Variants in GPBP1L1 observed in about 807,000 individuals in gnomAD.
GPBP1L1 encodes vasculin-like protein 1.
GPBP1L1 carries 23 observed loss-of-function variants against 52.5 expected under a neutral mutation model. That is an observed-to-expected ratio of 0.44 (90% CI 0.32 to 0.62). The LOEUF (loss-of-function observed/expected upper bound fraction) is 0.62, where lower values mean the gene tolerates loss of function less well. Ranked by LOEUF, GPBP1L1 falls within the 20% of genes least tolerant of loss-of-function variation. The pLI is 0.06. For synonymous variants in GPBP1L1, 243 were observed against 203.1 expected, an observed-to-expected ratio of 1.20 and a Z score of -1.67; for missense variants, 596 against 579.3, an observed-to-expected ratio of 1.03 and a Z score of -0.30.
chr1:45,682,617 G>A (rs756956537), intron 2 of GPBP1L1, among the ~76,000 whole-genome samples: 1 of 152,088 alleles, frequency 6.6e-6, no homozygotes, highest in Non-Finnish European at 1.5e-5. Flanking sequence ...CCAATCCCTA[G>A]TTTCTTAACA....
At chr1:45,652,985 G>A (rs1482661098) in intron 6 of GPBP1L1, among the ~76,000 whole-genome samples, 1 of 152,092 alleles carries the variant, frequency 6.6e-6, no homozygotes, top group African/African-American at 2.4e-5. Context: ...AGTAATTTCT[G>A]GACTATTTGT....
At chr1:45,669,170 T>A (rs187280598) in intron 2 of GPBP1L1, among the ~76,000 whole-genome samples, 1 of 152,332 alleles carries the variant, frequency 6.6e-6, no homozygotes, top group East Asian at 1.9e-4. Flanking sequence ...CAGAGATTAT[T>A]CTTTCTTTTT....
chr1:45,634,371 G>C, intron 8 of GPBP1L1, 135 bp from the exon 9 acceptor site: 1 of 851,396 alleles, frequency 1.2e-6, no homozygotes, highest in Non-Finnish European at 1.7e-6. Context: ...AACATGTTTG[G>C]GAAGTATGCA....
chr1:45,630,746 A>C, intron 10 of GPBP1L1, 140 bp from the exon 11 acceptor site: 1 of 819,524 alleles, frequency 1.2e-6, no homozygotes, highest in Non-Finnish European at 1.9e-6. Flanking sequence ...TTCCCCATTT[A>C]CAAATGAGGA....
intron 12 of GPBP1L1, 117 bp downstream of exon 12, chr1:45,629,459 C>CT (rs1010968205): frequency 5.2e-5 from 4 of 77,642 alleles, no homozygotes; most frequent in Non-Finnish European, 1.3e-4. Context: ...GGTAATCCCC[C>CT]CCCCCCCCAC....
At chr1:45,629,757 A>G in intron 11 of GPBP1L1, 79 bp from the exon 12 acceptor site, 1 of 963,890 alleles carries the variant, frequency 1.0e-6, no homozygotes, top group South Asian at 1.3e-5. Context: ...TTTCACAGAA[A>G]AGTTTTCTGC....
At chr1:45,663,209 G>A (rs922431315) in intron 2 of GPBP1L1, among the ~76,000 whole-genome samples, 3 of 152,092 alleles carry the variant, frequency 2.0e-5, no homozygotes, top group African/African-American at 4.8e-5. Context: ...TGTCTGGTGC[G>A]TACTTTTTAT....
chr1:45,670,997 T>C (rs1034576597), intron 2 of GPBP1L1, among the ~76,000 whole-genome samples: 2 of 151,880 alleles, frequency 1.3e-5, no homozygotes, highest in African/African-American at 4.8e-5. Flanking sequence ...TTTCACTGTG[T>C]TAGCCAGGCT....
chr1:45,682,572 G>A (rs1434483022), intron 2 of GPBP1L1, among the ~76,000 whole-genome samples: 1 of 152,040 alleles, frequency 6.6e-6, no homozygotes, highest in African/African-American at 2.4e-5. Flanking sequence ...CTGTTAAACC[G>A]TAAAGTTCTT....
In GPBP1L1 at chr1:45,644,324, C is replaced by T. The variant is rs1644712872; in HGVS notation, c.478-1825G>A. ...GTACCCAGGGTTCTCAGAGACAATG[C>T]TCCTATTTATACAGTATCTTTGATC... On this transcript the variant is annotated intron_variant, in intron 6 of 12. Coordinates refer to ENST00000355105, the MANE Select transcript of GPBP1L1 (RefSeq NM_021639.5). Among the ~76,000 whole-genome samples the T allele has an allele frequency of 3.3e-5, 5 of 152,254 alleles. No individual in the cohort carries two copies. The South Asian group carries it at 1.0e-3, about 32-fold the overall frequency.
upstream of GPBP1L1, chr1:45,687,824 G>A (rs1328574714): frequency 1.5e-4 from 23 of 152,214 alleles, no homozygotes; most frequent in Admixed American, 1.5e-3. Flanking sequence ...AATGCAGTGA[G>A]ATGTGTCCCC....
chr1:45,630,026 C>T (rs79953537), intron 11 of GPBP1L1, among the ~76,000 whole-genome samples: 16 of 151,856 alleles, frequency 1.1e-4, no homozygotes, highest in Non-Finnish European at 1.8e-4. Flanking sequence ...TCTCAGCTCA[C>T]TGCAACCTCC....
chr1:45,628,009 TGTGTGTGTGTGTGA>T lies in GPBP1L1; in HGVS notation c.*233_*246del. 4.5e-6 allele frequency: 2 copies of T among 442,110 alleles called. No individual in the cohort carries two copies. The highest frequency in any genetic ancestry group is 8.3e-6 in the Non-Finnish European group (2 of 240,576). 27.4% of individuals were successfully genotyped at this position (442,110 alleles called of 1,614,324 possible). A position where few individuals can be genotyped will look rare whatever the true frequency, so the allele number is the denominator to read the frequency against. ...GCCCCATATATACTGGGTGTGTATG[TGTGTGTGTGTGTGA>T]GTGTGTTTAAAAAATCTGTCCCACC... On this transcript the variant is annotated 3_prime_UTR_variant, in exon 13 of 13. Transcript: ENST00000355105.
rs544001546 is a variant in GPBP1L1 at position 45,636,067 on chromosome 1, C to T, written c.745-1831G>A. Among the ~76,000 whole-genome samples, 8 of 152,290 alleles carry T rather than the reference C, an allele frequency of 5.3e-5. No homozygotes were observed. In the South Asian group the frequency reaches 1.7e-3, roughly 32 times the overall value. ...ATTTACTGCTTAGTTCCCTGCAATACTCACCTCTATCCCCAATTTTAGTAA... is the reference window on the plus strand; with the variant it reads ...ATTTACTGCTTAGTTCCCTGCAATATTCACCTCTATCCCCAATTTTAGTAA... On this transcript the variant is annotated intron_variant, in intron 8 of 12. Transcript: ENST00000355105.
intron 12 of GPBP1L1, among the ~76,000 whole-genome samples, chr1:45,628,650 G>A (rs1281880217): frequency 6.6e-6 from 1 of 151,980 alleles, no homozygotes; most frequent in Non-Finnish European, 1.5e-5. Context: ...GGGCTTGAAA[G>A]TCCTTATTTC....
chr1:45,629,429 C>G, intron 12 of GPBP1L1, 147 bp downstream of exon 12: 1 of 581,402 alleles, frequency 1.7e-6, no homozygotes, highest in Non-Finnish European at 3.1e-6. Context: ...GATTTAGGGG[C>G]CCCACTACAT....
At chr1:45,665,919 G>A (rs1320143949) in intron 2 of GPBP1L1, among the ~76,000 whole-genome samples, 2 of 151,860 alleles carry the variant, frequency 1.3e-5, no homozygotes, top group African/African-American at 4.8e-5. Context: ...CCTACTGGTT[G>A]CCACTCTCTG....
At chr1:45,641,602 A>AG (rs922204559) in intron 7 of GPBP1L1, 3 of 151,810 alleles carry the variant, frequency 2.0e-5, no homozygotes. Context: ...GCGGATGATG[A>AG]GGTCAAGAGA....
Position 45,646,497 on chromosome 1 carries a change from T to C in GPBP1L1, c.478-3998A>G, listed in dbSNP as rs548031795. On this transcript the variant is annotated intron_variant, in intron 6 of 12. Transcript: ENST00000355105. ...TGTCTTAGTCATCCTGGCTATCCTT[T>C]CAATTTGTAGATTCAAATCTAAATG... 6.6e-5 allele frequency among the ~76,000 whole-genome samples: 10 copies of C among 152,328 alleles called. No homozygotes were observed. In the South Asian group the frequency reaches 1.9e-3, roughly 28 times the overall value.
Sources: gnomAD v4.1 joint callset for allele counts (sites outside exome capture counted in the v4.1 genomes callset) on GRCh38, gnomAD v4.1.1 for gene constraint, MANE v1.5 for transcripts, NCBI Gene and HGNC (gene_info 2026-07-23, HGNC 2026-07-21) for gene names.